NOP58: variants seen among roughly 807,000 people sequenced by gnomAD.
NOP58 encodes the protein nucleolar protein 58.
NOP58 carries 44 observed loss-of-function variants against 71.2 expected under a neutral mutation model. That is an observed-to-expected ratio of 0.62 (90% confidence interval 0.49 to 0.79). NOP58 has a LOEUF of 0.79. Ranked by LOEUF, NOP58 falls within the 30% of genes least tolerant of loss-of-function variation. The pLI, the probability that NOP58 is intolerant of heterozygous loss-of-function variation, is 0.00. For synonymous variants in NOP58, 228 were observed against 200.3 expected (o/e 1.14, Z -1.17); for missense variants, 538 against 620.2 (o/e 0.87, Z 1.41).
rs375794713 is a variant in NOP58 at position 202,265,932 on chromosome 2, C to T, written c.-10C>T. 5.8e-5 allele frequency: 93 copies of T among 1,614,058 alleles called. No homozygotes were observed. Among genetic ancestry groups the T allele is most frequent in the Middle Eastern group, 1.6e-4 (1 of 6,084 alleles). On this transcript the variant is annotated 5_prime_UTR_variant, in exon 1 of 15. Transcript: ENST00000264279. Reference sequence around the variant, plus strand: ...TGGCAGGCCGTGCGGCGCCCTGACCCGGCCTCACCATGTTGGTGCTGTTTG... The same window carrying T: ...TGGCAGGCCGTGCGGCGCCCTGACCTGGCCTCACCATGTTGGTGCTGTTTG...
chr2:202,293,268 T>A (rs1193650340), intron 9 of NOP58: 2 of 345,946 alleles, frequency 5.8e-6, no homozygotes, highest in African/African-American at 2.5e-5. Flanking sequence ...GAAATCACTG[T>A]AGAGAAAGAA....
rs1015421990 is a variant in NOP58 at position 202,288,045 on chromosome 2, C to T, written c.499+321C>T. 5.9e-4 allele frequency among the ~76,000 whole-genome samples: 89 copies of T among 152,012 alleles called. 1 individual carries two copies. Among genetic ancestry groups the T allele is most frequent in the Non-Finnish European group, 8.7e-4 (59 of 68,014 alleles). On this transcript the variant is annotated intron_variant, in intron 6 of 14. Transcript: ENST00000264279. ...AGGATAATTGCTTGAACCCAGGAGG[C>T]GGAGGTTGACTATTTGGAGATTATA...
chr2:202,271,994 A>G (rs1290262930), intron 1 of NOP58, among the ~76,000 whole-genome samples: 1 of 152,176 alleles, frequency 6.6e-6, no homozygotes, highest in Admixed American at 6.6e-5. Context: ...GCTAATAAGC[A>G]TTATTTATCA....
intron 1 of NOP58, among the ~76,000 whole-genome samples, chr2:202,271,240 G>T (rs1280920245): frequency 6.6e-6 from 1 of 151,966 alleles, no homozygotes; most frequent in Non-Finnish European, 1.5e-5. Flanking sequence ...TACAATTGAT[G>T]ACAGGTCAAT....
chr2:202,287,629 C>T, intron 5 of NOP58, 31 bp from the exon 6 acceptor site: 1 of 1,558,270 alleles, frequency 6.4e-7, no homozygotes. Context: ...TAGATGCTAT[C>T]TTGCTAATTT....
chr2:202,293,225 A>C (rs1001644879), intron 9 of NOP58: 14 of 476,886 alleles, frequency 2.9e-5, no homozygotes, highest in Middle Eastern at 1.1e-3. Context: ...CATAATAAAA[A>C]CTCACTAGAC....
intron 4 of NOP58, among the ~76,000 whole-genome samples, chr2:202,283,716 G>A (rs1559262756): frequency 2.0e-5 from 3 of 152,012 alleles, no homozygotes; most frequent in Non-Finnish European, 2.9e-5. Flanking sequence ...TGGGATTACA[G>A]GCGTGAGCCA....
At position 202,282,336 on chromosome 2, in the gene NOP58, C is replaced by T. The variant is rs769803855; in HGVS notation, c.176-15C>T. ...TTTGAGAGTTAATGCTTTTGTTTTTCTTTTTCTTGAAAAGCATTCACAGCT... is the reference window on the plus strand; with the variant it reads ...TTTGAGAGTTAATGCTTTTGTTTTTTTTTTTCTTGAAAAGCATTCACAGCT... On this transcript the variant is annotated splice_polypyrimidine_tract_variant and intron_variant, in intron 3 of 14. Transcript: ENST00000264279. 4.4e-6 allele frequency: 7 copies of T among 1,586,380 alleles called. 1 individual carries two copies. In the Middle Eastern group the frequency reaches 1.2e-3, roughly 273 times the overall value.
At position 202,282,411 on chromosome 2, in the gene NOP58, T is replaced by C; in HGVS notation, c.236T>C (p.Ile79Thr). The C allele has an allele frequency of 1.2e-6, 2 of 1,613,418 alleles. No homozygotes were observed. Among genetic ancestry groups the C allele is most frequent in the Non-Finnish European group, 1.7e-6 (2 of 1,179,852 alleles). The change falls in exon 4 of 15, where the codon ATA becomes ACA. Residue 79 changes from isoleucine (I) to threonine (T), a missense_variant. Physicochemically the swap from Ile to Thr is moderately conservative, Grantham distance 89. Coordinates refer to ENST00000264279, the MANE Select transcript of NOP58 (RefSeq NM_015934.5). ...NKQLKKVLKK[I>T]VKEAHEPLAV... ...CAGCTGAAAAAAGTTCTGAAGAAAA[T>C]AGTAAAAGAAGCCCATGAACCGCTG...
rs778605559 is a variant in NOP58, at chr2:202,297,516, A to G, written c.1206+3A>G. 6.2e-6 allele frequency: 10 copies of G among 1,613,420 alleles called. No individual in the cohort carries two copies. Among genetic ancestry groups the G allele is most frequent in the Non-Finnish European group, 7.6e-6 (9 of 1,179,690 alleles). On this transcript the variant is annotated splice_donor_region_variant and intron_variant, in intron 11 of 14. Transcript: ENST00000264279. ...TGAGAACTTTGGAAGACAGAGGGGT[A>G]AGAACTACATCATGCCTATTCCAGA...
chr2:202,280,181 G>A (rs1224821257), intron 3 of NOP58, among the ~76,000 whole-genome samples: 1 of 152,182 alleles, frequency 6.6e-6, no homozygotes, highest in East Asian at 1.9e-4. Context: ...AAATGTCACA[G>A]TGTACATTTT....
At chr2:202,266,605 C>CG (rs1688421872) in intron 1 of NOP58, among the ~76,000 whole-genome samples, 1 of 152,140 alleles carries the variant, frequency 6.6e-6, no homozygotes, top group African/African-American at 2.4e-5. Flanking sequence ...CGTGAGCCAC[C>CG]GTGCTCGGCC....
chr2:202,289,414 C>CT lies in NOP58; in HGVS notation c.500-906dup, dbSNP rs767428274. ...CTCCACACCTGACCACACGTCAAAACTTTGTTTTATGCACAAAATTATTTA... is the reference window on the plus strand; with the variant it reads ...CTCCACACCTGACCACACGTCAAAACTTTTGTTTTATGCACAAAATTATTTA... On this transcript the variant is annotated intron_variant, in intron 6 of 14. Transcript: ENST00000264279. Among the ~76,000 whole-genome samples the CT allele has an allele frequency of 1.5e-4, 23 of 152,310 alleles. No homozygotes were observed. The East Asian group carries it at 1.5e-3, about 10-fold the overall frequency.
Position 202,277,981 on chromosome 2 carries a change from G to T in NOP58, c.154G>T (p.Asp52Tyr), listed in dbSNP as rs753024202. 6.4e-7 allele frequency: 1 copy of T among 1,553,470 alleles called. No homozygotes were observed. The highest frequency in any genetic ancestry group is 8.8e-7 in the Non-Finnish European group (1 of 1,133,524). ...GCTAAAACATTTTGAGAAATTTCAG[G>T]ATACAGCAGAAGCATTAGCAGGTAA... The part of the protein sequence containing the change: ...VKLKHFEKFQ[D>Y]TAEALAAFTA... Residue 52 changes from aspartate (D) to tyrosine (Y), a missense_variant, in exon 3 of 15, where the codon GAT becomes TAT. Transcript: ENST00000264279.
intron 2 of NOP58, among the ~76,000 whole-genome samples, chr2:202,277,542 T>A (rs182773235): frequency 6.6e-6 from 1 of 152,010 alleles, no homozygotes; most frequent in Non-Finnish European, 1.5e-5. Context: ...AATAAGCTAT[T>A]TTTTTTAATG....
rs773315669 is a variant in NOP58, at chr2:202,300,284, C to A, written c.1319C>A (p.Ser440Tyr). 7 of 1,600,858 alleles carry A rather than the reference C, an allele frequency of 4.4e-6. No homozygotes were observed. The highest frequency in any genetic ancestry group is 5.9e-6 in the Non-Finnish European group (7 of 1,177,080). Residue 440 changes from serine (S) to tyrosine (Y), a missense_variant, in exon 13 of 15, where the codon TCT becomes TAT. Ser to Tyr is a moderately radical substitution (Grantham distance 144). Transcript: ENST00000264279. Reference sequence around the variant, plus strand: ...GGTGACTCCACACTTCCAACCTGTTCTAAAAAACGCAAAATAGAACAGGTA... The same window carrying A: ...GGTGACTCCACACTTCCAACCTGTTATAAAAAACGCAAAATAGAACAGGTA... Reference protein sequence around the residue: ...PSGDSTLPTCSKKRKIEQVDK... With the variant: ...PSGDSTLPTCYKKRKIEQVDK...
rs773830889 is a variant in NOP58, at chr2:202,284,491, A to G, written c.434+10A>G. ...TTGGATTGGCTCACAGGTGAGAATT[A>G]CTGGAAAATAAAGTCAACTTACTTT... On this transcript the variant is annotated intron_variant, in intron 5 of 14. Transcript: ENST00000264279. The G allele has an allele frequency of 6.2e-7, 1 of 1,609,416 alleles. No homozygotes were observed. The highest frequency in any genetic ancestry group is 1.1e-5 in the South Asian group (1 of 89,704).
intron 1 of NOP58, among the ~76,000 whole-genome samples, chr2:202,274,791 T>C (rs993363580): frequency 6.6e-6 from 1 of 151,996 alleles, no homozygotes; most frequent in African/African-American, 2.4e-5. Context: ...TTCCCTGCCC[T>C]ACCCCCTAGG....
chr2:202,278,806 T>A (rs1294420813), intron 3 of NOP58, among the ~76,000 whole-genome samples: 1 of 152,112 alleles, frequency 6.6e-6, no homozygotes, highest in Non-Finnish European at 1.5e-5. Flanking sequence ...ATGCAAAAAA[T>A]TTTGTTAAAT....
Sources: allele counts gnomAD v4.1 joint callset (sites outside exome capture counted in the v4.1 genomes callset), GRCh38; gene constraint gnomAD v4.1.1; transcripts MANE v1.5; gene names NCBI Gene and HGNC (gene_info 2026-07-23, HGNC 2026-07-21).